The following DPP9 variants were observed in gnomAD, a reference collection of about 807,000 sequenced individuals.
The protein encoded by DPP9 is dipeptidyl peptidase 9.
DPP9 carries 50 observed loss-of-function variants against 110.7 expected under a neutral mutation model. The ratio of observed to expected loss-of-function variants is 0.45; its 90% CI spans 0.36 to 0.57. DPP9 has a LOEUF of 0.57. DPP9 is among the 20% of genes least tolerant of loss of function. DPP9 has a pLI of 0.00. For synonymous variants in DPP9, 561 were observed against 514.4 expected (o/e 1.09, Z -1.23); for missense variants, 1,022 against 1,217.9 (o/e 0.84, Z 2.39).
At chr19:4,702,293 C>T (rs939653893) in intron 8 of DPP9, 138 bp from the exon 9 acceptor site, 24 of 1,213,152 alleles carry the variant, frequency 2.0e-5, no homozygotes, top group South Asian at 4.8e-5. Context: ...CTCTGCCATT[C>T]GCTAGACCTT....
Position 4,676,261 on chromosome 19 carries a change from C to A in DPP9, c.*303G>T, listed in dbSNP as rs2088821416. The stretch of plus-strand genomic sequence containing the variant: ...GCCCGCTCCTCTGAGTCTCTTCTGG[C>A]CTCTCCAGTGCCCATCAGCGTGTGA... On this transcript the variant is annotated 3_prime_UTR_variant, in exon 22 of 22. Transcript: ENST00000262960. The surrounding 1 kb of genome is among the most constrained non-coding windows in gnomAD (Gnocchi z 4.0). The A allele has an allele frequency of 4.7e-6, 2 of 427,862 alleles. No individual in the cohort carries two copies. Among genetic ancestry groups the A allele is most frequent in the Admixed American group, 3.7e-5 (1 of 27,048 alleles). 26.5% of individuals were successfully genotyped at this position (427,862 alleles called of 1,614,324 possible).
At position 4,700,795 on chromosome 19, in the gene DPP9, T is replaced by C. The variant is rs1184785679; in HGVS notation, c.1013-518A>G. Among the ~76,000 whole-genome samples, 2 of 152,170 alleles carry C rather than the reference T, an allele frequency of 1.3e-5. No individual in the cohort carries two copies. The highest frequency in any genetic ancestry group is 2.9e-5 in the Non-Finnish European group (2 of 68,026). ...CCAAGAGGCTTCTGAAGAGTGGGACTTAGTTCAGGCTCCGAAAGAGGGCGC... is the reference window on the plus strand; with the variant it reads ...CCAAGAGGCTTCTGAAGAGTGGGACCTAGTTCAGGCTCCGAAAGAGGGCGC... On this transcript the variant is annotated intron_variant, in intron 9 of 21. Coordinates refer to ENST00000262960, the MANE Select transcript of DPP9 (RefSeq NM_139159.5). This position sits in a 1 kb window ranked among gnomAD's most constrained non-coding sequence, Gnocchi z 4.3.
Position 4,703,928 on chromosome 19 carries a change from T to C in DPP9, c.727A>G (p.Ile243Val). 1 of 1,612,982 alleles carries C rather than the reference T, an allele frequency of 6.2e-7. No homozygotes were observed. The highest frequency in any genetic ancestry group is 1.1e-5 in the South Asian group (1 of 90,892). ...AGCCGCCGCTCCTCGCCTGTCTCGA[T>C]GTTGGCCACCCACAGGTCGCTGTTA... The part of the protein sequence containing the change: ...INNSDLWVAN[I>V]ETGEERRLTF... Residue 243 changes from isoleucine (I) to valine (V), a missense_variant, in exon 7 of 22, where the codon ATC (isoleucine) becomes GTC (valine). Physicochemically the swap from Ile to Val is conservative, Grantham distance 29. This residue lies in a region of DPP9 where 810 missense variants were observed against 920.6 expected (regional missense o/e 0.88). Transcript: ENST00000262960.
chr19:4,702,057 T>C lies in DPP9; in HGVS notation c.982A>G (p.Lys328Glu). 2 of 1,613,948 alleles carry C rather than the reference T, an allele frequency of 1.2e-6. No individual in the cohort carries two copies. The highest frequency in any genetic ancestry group is 1.7e-6 in the Non-Finnish European group (2 of 1,179,846). ...HVPSPALEER[K>E]TDSYRYPRTG... ...CTGGGGTACCGATACGAGTCCGTCT[T>C]CCTTTCTTCTAGCGCAGGAGAGGGG... Residue 328 changes from lysine to glutamate, a missense_variant, in exon 9 of 22, where the codon AAG (lysine) becomes GAG (glutamate). Lys to Glu is a moderately conservative substitution (Grantham distance 56). This residue lies in a region of DPP9 where 810 missense variants were observed against 920.6 expected (regional missense o/e 0.88). Transcript: ENST00000262960.
intron 4 of DPP9, among the ~76,000 whole-genome samples, chr19:4,709,634 G>T (rs1313427673): frequency 6.6e-6 from 1 of 152,146 alleles, no homozygotes; most frequent in Non-Finnish European, 1.5e-5. Flanking sequence ...GGTTGCCCGG[G>T]GCTTGGGAGT....
In DPP9 at chr19:4,697,730, C is replaced by G. The variant is rs147671608; in HGVS notation, c.1075-79G>C. On this transcript the variant is annotated intron_variant, in intron 10 of 21. Transcript: ENST00000262960. ...GGAGGAGAAGGCCACTGCGCTGGGT[C>G]CCATCATGTCCCCCCCAAATTCATA... 2.7e-5 allele frequency: 30 copies of G among 1,120,494 alleles called. No individual in the cohort carries two copies. In the African/African-American group the frequency reaches 4.3e-4, roughly 16 times the overall value. 69.4% of individuals were successfully genotyped at this position (1,120,494 alleles called of 1,614,324 possible). A position where few individuals can be genotyped will look rare whatever the true frequency, so the allele number is the denominator to read the frequency against.
At chr19:4,679,476 A>T (rs1025476197) in intron 21 of DPP9, 2 of 286,910 alleles carry the variant, frequency 7.0e-6, no homozygotes, top group Non-Finnish European at 1.4e-5. Flanking sequence ...GGCCTTCAGC[A>T]CTCAGCGGTT....
In DPP9 at chr19:4,682,811, C is replaced by A. The variant is rs761296885; in HGVS notation, c.2359G>T (p.Val787Phe). 6.3e-7 allele frequency: 1 copy of A among 1,592,824 alleles called. No homozygotes were observed. The highest frequency in any genetic ancestry group is 8.5e-7 in the Non-Finnish European group (1 of 1,170,250). ...TACCCTGTGTCGTAGGCCATCCAGACGGTGACCGGGGCACCCGCGATGGCC... is the reference window on the plus strand; with the variant it reads ...TACCCTGTGTCGTAGGCCATCCAGAAGGTGACCGGGGCACCCGCGATGGCC... ...KVAIAGAPVT[V>F]WMAYDTGYTE... Residue 787 changes from valine (V) to phenylalanine (F), a missense_variant, in exon 20 of 22, where the codon GTC becomes TTC. By Grantham distance (50) the Val-to-Phe change is conservative. Around this residue, in one of 3 missense-constraint regions of DPP9, gnomAD observed 209 missense variants for 280.4 expected, o/e 0.75. Coordinates refer to ENST00000262960, the MANE Select transcript of DPP9 (RefSeq NM_139159.5). This position sits in a 1 kb window ranked among gnomAD's most constrained non-coding sequence, Gnocchi z 7.1.
chr19:4,709,320 A>G (rs2092726914), intron 4 of DPP9, among the ~76,000 whole-genome samples: 1 of 152,140 alleles, frequency 6.6e-6, no homozygotes, highest in South Asian at 2.1e-4. Flanking sequence ...TGTGAAGTAC[A>G]GTAGTGACGG....
Position 4,694,786 on chromosome 19 carries a change from C to T in DPP9, c.1391G>A (p.Gly464Glu). 1 of 1,613,930 alleles carries T rather than the reference C, an allele frequency of 6.2e-7. No individual in the cohort carries two copies. The highest frequency in any genetic ancestry group is 1.7e-5 in the Admixed American group (1 of 60,004). ...GCGGAGAAAGCAGAGCTCGTCCTCT[C>T]CCTCTGATTGGGGGAAGGGATAGAA... is the stretch of plus-strand genomic sequence containing the variant. Reference protein sequence around the residue: ...DIFYPFPQSEGEDELCFLRAN... With the variant: ...DIFYPFPQSEEEDELCFLRAN... The change falls in exon 13 of 22, where the codon GGA becomes GAA. Residue 464 changes from glycine (G) to glutamate (E), a missense_variant. Transcript: ENST00000262960. This position sits in a 1 kb window ranked among gnomAD's most constrained non-coding sequence, Gnocchi z 4.0.
intron 5 of DPP9, among the ~76,000 whole-genome samples, chr19:4,705,119 T>C (rs899936121): frequency 4.6e-5 from 7 of 152,232 alleles, no homozygotes. Context: ...GAACCAGTGG[T>C]GGAGAAAGTG....
chr19:4,696,443 T>C (rs1414194049), intron 11 of DPP9, among the ~76,000 whole-genome samples: 13 of 138,654 alleles, frequency 9.4e-5, no homozygotes, highest in Admixed American at 9.0e-4. Context: ...CTGGGCAACA[T>C]GGCAAGACCT....
At chr19:4,721,065 C>A (rs1001041292) in intron 2 of DPP9, among the ~76,000 whole-genome samples, 2 of 152,086 alleles carry the variant, frequency 1.3e-5, no homozygotes, top group African/African-American at 2.4e-5. Flanking sequence ...GATAACCGGC[C>A]CCCCCAGGGG....
At chr19:4,677,719 ACT>A (rs2089078731) in intron 21 of DPP9, among the ~76,000 whole-genome samples, 1 of 151,922 alleles carries the variant, frequency 6.6e-6, no homozygotes, top group African/African-American at 2.4e-5. Flanking sequence ...CCTGGGGCAG[ACT>A]CTGCTGCCCT....
At chr19:4,680,017 G>C in intron 20 of DPP9, 71 bp from the exon 21 acceptor site, 3 of 1,147,336 alleles carry the variant, frequency 2.6e-6, no homozygotes, top group Non-Finnish European at 3.9e-6. Context: ...AGATCACAAG[G>C]TCAGGAGTTT....
chr19:4,710,977 G>A lies in DPP9; in HGVS notation c.313+3104C>T, dbSNP rs746568206. On this transcript the variant is annotated intron_variant, in intron 4 of 21. Transcript: ENST00000262960. This position sits in a 1 kb window ranked among gnomAD's most constrained non-coding sequence, Gnocchi z 5.6. ...CACACACACGAGCCACAGGCGACCC[G>A]ACGATCTCATCTATGCGGAGTCAAT... 2.3e-4 allele frequency among the ~76,000 whole-genome samples: 35 copies of A among 152,190 alleles called. No individual in the cohort carries two copies. The highest frequency in any genetic ancestry group is 1.8e-3 in the Admixed American group (28 of 15,282).
chr19:4,682,979 G>T lies in DPP9; in HGVS notation c.2332-141C>A. 6.5e-7 allele frequency: 1 copy of T among 1,532,576 alleles called. No individual in the cohort carries two copies. Among genetic ancestry groups the T allele is most frequent in the Non-Finnish European group, 8.7e-7 (1 of 1,145,678 alleles). The allele number at this position is 1,532,576 out of a possible 1,614,324, so 94.9% of individuals were successfully genotyped here. A position where few individuals can be genotyped will look rare whatever the true frequency, so the allele number is the denominator to read the frequency against. ...ATGCACATGGGGCCGGCAAGGAAGG[G>T]GCCCTCAGACCGCGTGGCCCCCGTG... On this transcript the variant is annotated intron_variant, in intron 19 of 21. Transcript: ENST00000262960. The surrounding 1 kb of genome is among the most constrained non-coding windows in gnomAD (Gnocchi z 7.1).
intron 9 of DPP9, among the ~76,000 whole-genome samples, chr19:4,701,707 T>A (rs1283956810): frequency 1.3e-5 from 2 of 152,244 alleles, no homozygotes; most frequent in Non-Finnish European, 2.9e-5. Context: ...TTCCTGCACG[T>A]GCCACTTCTG....
rs1028754345 is a variant in DPP9 at position 4,676,312 on chromosome 19, A to G, written c.*252T>C. 6 of 528,510 alleles carry G rather than the reference A, an allele frequency of 1.1e-5. No individual in the cohort carries two copies. Among genetic ancestry groups the G allele is most frequent in the African/African-American group, 1.9e-5 (1 of 52,028 alleles). The allele number at this position is 528,510 out of a possible 1,614,324, so 32.7% of individuals were successfully genotyped here. ...CCTCCTCCTCCCAGAAGGCGGGGAG[A>G]GGAGGGGCTGGCCCGAGACCACCAT... On this transcript the variant is annotated 3_prime_UTR_variant, in exon 22 of 22. Coordinates refer to ENST00000262960, the MANE Select transcript of DPP9 (RefSeq NM_139159.5). This position sits in a 1 kb window ranked among gnomAD's most constrained non-coding sequence, Gnocchi z 4.0.
Sources: gnomAD v4.1 joint callset for allele counts (sites outside exome capture counted in the v4.1 genomes callset) on GRCh38, gnomAD v4.1.1 for gene constraint, gnomAD v4.1.1 regional missense constraint, Gnocchi (gnomAD v3.1) non-coding constraint, MANE v1.5 for transcripts, NCBI Gene and HGNC (gene_info 2026-07-23, HGNC 2026-07-21) for gene names.